COLGALT2: variants seen among roughly 807,000 people sequenced by gnomAD.
The protein encoded by COLGALT2 is collagen beta(1-O)galactosyltransferase 2, also known as procollagen galactosyltransferase 2.
COLGALT2 carries 49 observed loss-of-function variants against 73.4 expected under a neutral mutation model. The ratio of observed to expected loss-of-function variants is 0.67; its 90% CI spans 0.53 to 0.85. The LOEUF (loss-of-function observed/expected upper bound fraction) is 0.85, where lower values mean the gene tolerates loss of function less well. COLGALT2 is among the 40% of genes least tolerant of loss of function. COLGALT2 has a pLI of 0.00. For synonymous variants in COLGALT2, 295 were observed against 307.6 expected (o/e 0.96, Z 0.43); for missense variants, 722 against 790.2 (o/e 0.91, Z 1.03).
chr1:184,015,585 T>C (rs1648972110), intron 1 of COLGALT2, among the ~76,000 whole-genome samples: 1 of 152,242 alleles, frequency 6.6e-6, no homozygotes, highest in African/African-American at 2.4e-5. Flanking sequence ...TGGTGAAATG[T>C]AGACTGTTGT....
At chr1:183,929,671 G>T (rs1396160369), downstream of COLGALT2, among the ~76,000 whole-genome samples, 1 of 152,196 alleles carries the variant, frequency 6.6e-6, no homozygotes, top group Non-Finnish European at 1.5e-5. Context: ...TGATTTCAGG[G>T]GGACTGAGGA....
chr1:184,020,099 TGTTA>T (rs1372116823), intron 1 of COLGALT2, among the ~76,000 whole-genome samples: 1 of 152,228 alleles, frequency 6.6e-6, no homozygotes, highest in Non-Finnish European at 1.5e-5. Context: ...TGTCTAATTT[TGTTA>T]TTTTCAAATA....
At chr1:183,993,271 T>C (rs1572662868) in intron 1 of COLGALT2, among the ~76,000 whole-genome samples, 1 of 152,182 alleles carries the variant, frequency 6.6e-6, no homozygotes, top group African/African-American at 2.4e-5. Flanking sequence ...TGCTGAAGGC[T>C]CCAGGGGAGC....
At chr1:184,032,152 C>T (rs141284341) in intron 1 of COLGALT2, among the ~76,000 whole-genome samples, 65 of 152,166 alleles carry the variant, frequency 4.3e-4, no homozygotes, top group South Asian at 4.1e-3. Context: ...CCTCGGCCCC[C>T]CAAAGTGCTA....
rs762081322 is a variant in COLGALT2 at position 183,940,807 on chromosome 1, G to C, written c.1398-20C>G. ...ATATAACTGTAAGGAAATGGCAGAG[G>C]AGAAAAATTCCACCTTGACTATTAT... On this transcript the variant is annotated intron_variant, in intron 10 of 11. Transcript: ENST00000361927. 3 of 1,604,186 alleles carry C rather than the reference G, an allele frequency of 1.9e-6. No homozygotes were observed. In the South Asian group the frequency reaches 3.3e-5, roughly 18 times the overall value.
Position 183,950,935 on chromosome 1 carries a change from A to G in COLGALT2, c.1136+72T>C, listed in dbSNP as rs142057483. 4 of 1,128,528 alleles carry G rather than the reference A, an allele frequency of 3.5e-6. No homozygotes were observed. The East Asian group carries it at 9.5e-5, about 27-fold the overall frequency. The allele number at this position is 1,128,528 out of a possible 1,614,324, so 69.9% of individuals were successfully genotyped here. ...GAAGAGACTTAGAGCCCCACCTGGG[A>G]CTAACTCTCTGTCAGAGAAGACACA... is the stretch of plus-strand genomic sequence containing the variant. On this transcript the variant is annotated intron_variant, in intron 8 of 11. Coordinates refer to ENST00000361927, the MANE Select transcript of COLGALT2 (RefSeq NM_015101.4).
chr1:183,937,051 A>G lies in COLGALT2; in HGVS notation c.*1710T>C, dbSNP rs1035940961. On this transcript the variant is annotated 3_prime_UTR_variant, in exon 12 of 12. Transcript: ENST00000361927. ...GCTGTTCAACCTTAATGTGGCAATC[A>G]GTATCACATGGGCAGTGAACTGAAG... 2.8e-5 allele frequency: 35 copies of G among 1,231,706 alleles called. No homozygotes were observed. The highest frequency in any genetic ancestry group is 4.2e-5 in the Admixed American group (1 of 23,720). The allele number at this position is 1,231,706 out of a possible 1,614,324, so 76.3% of individuals were successfully genotyped here.
intron 6 of COLGALT2, among the ~76,000 whole-genome samples, chr1:183,962,681 T>C (rs141673202): frequency 2.0e-3 from 300 of 152,302 alleles, no homozygotes; most frequent in South Asian, 5.2e-3. Flanking sequence ...GCTCAGGTCC[T>C]CACCACCTTT....
At chr1:184,010,505 C>T (rs142498999) in intron 1 of COLGALT2, among the ~76,000 whole-genome samples, 1 of 152,322 alleles carries the variant, frequency 6.6e-6, no homozygotes, top group African/African-American at 2.4e-5. Flanking sequence ...AACTGAACTC[C>T]AAAGACATCA....
chr1:183,994,026 CTTTTTTTTTTTTTTTTTT>C (rs869129633), intron 1 of COLGALT2, among the ~76,000 whole-genome samples: 1 of 70,028 alleles, frequency 1.4e-5, no homozygotes, highest in African/African-American at 5.8e-5. Flanking sequence ...TCTTGTAATT[CTTTTTTTTTTTTTTTTTT>C]TTTTTTTTTT....
rs545168682 is a variant in COLGALT2, at chr1:183,998,458, T to C, written c.264-19938A>G. Among the ~76,000 whole-genome samples, 8 of 152,304 alleles carry C rather than the reference T, an allele frequency of 5.3e-5. No individual in the cohort carries two copies. The South Asian group carries it at 1.2e-3, about 24-fold the overall frequency. On this transcript the variant is annotated intron_variant, in intron 1 of 11. Transcript: ENST00000361927. Reference sequence around the variant, plus strand: ...ATTCCTCTGTTGGTTGCAAAAATGATTTCCCACTTTATGGGTTGTTTGTCC... The same window carrying C: ...ATTCCTCTGTTGGTTGCAAAAATGACTTCCCACTTTATGGGTTGTTTGTCC...
chr1:183,967,629 T>C (rs1402647324), intron 5 of COLGALT2, among the ~76,000 whole-genome samples: 5 of 152,250 alleles, frequency 3.3e-5, no homozygotes, highest in African/African-American at 9.6e-5. Context: ...TAATGCTTTG[T>C]GCAGTGACTA....
intron 3 of COLGALT2, 33 bp downstream of exon 3, chr1:183,975,064 A>G (rs755021467): frequency 6.9e-7 from 1 of 1,450,392 alleles, no homozygotes; most frequent in Non-Finnish European, 9.7e-7. Context: ...ACCTGAGATG[A>G]CAGTTGTCAA....
intron 2 of COLGALT2, among the ~76,000 whole-genome samples, chr1:183,976,904 A>T (rs961365800): frequency 2.6e-5 from 4 of 152,228 alleles, no homozygotes; most frequent in African/African-American, 9.6e-5. Flanking sequence ...GATAAGAATT[A>T]GTTATAAAGA....
At chr1:184,014,328 C>G (rs1006396101) in intron 1 of COLGALT2, among the ~76,000 whole-genome samples, 2 of 152,090 alleles carry the variant, frequency 1.3e-5, no homozygotes, top group Non-Finnish European at 2.9e-5. Context: ...AGCGAAGGCA[C>G]TGTTATAAAA....
intron 1 of COLGALT2, among the ~76,000 whole-genome samples, chr1:184,003,825 T>A (rs578035421): frequency 2.0e-5 from 3 of 152,320 alleles, no homozygotes; most frequent in Non-Finnish European, 2.9e-5. Context: ...GAAACTATGA[T>A]GCCAGAGACA....
intron 1 of COLGALT2, among the ~76,000 whole-genome samples, chr1:184,017,382 A>G (rs1371883936): frequency 2.0e-5 from 3 of 152,184 alleles, no homozygotes. Flanking sequence ...TTTTCCCGAG[A>G]CAAGTTTCAA....
intron 6 of COLGALT2, among the ~76,000 whole-genome samples, chr1:183,955,711 A>G (rs1371858598): frequency 6.6e-6 from 1 of 150,806 alleles, no homozygotes; most frequent in African/African-American, 2.5e-5. Flanking sequence ...TTAGTATTAT[A>G]CAAATTCAAA....
In COLGALT2 at chr1:183,963,917, C is replaced by T. The variant is rs1422640140; in HGVS notation, c.936G>A (p.Val312=). The T allele has an allele frequency of 3.7e-6, 6 of 1,609,722 alleles. No individual in the cohort carries two copies. In the African/African-American group the frequency reaches 5.4e-5, roughly 14 times the overall value. The change falls in exon 6 of 12, where the codon GTG becomes GTA. Residue 312 remains valine, a synonymous_variant. Transcript: ENST00000361927. ...LQEDIENLIH[V]QIEAMIDRPP... Reference sequence around the variant, plus strand: ...GTCACTCACTCATTGCTTCAATCTGCACATGGATGAGGTTCTCGATGTCTT... The same window carrying T: ...GTCACTCACTCATTGCTTCAATCTGTACATGGATGAGGTTCTCGATGTCTT...
Sources: allele counts gnomAD v4.1 joint callset (sites outside exome capture counted in the v4.1 genomes callset), GRCh38; gene constraint gnomAD v4.1.1; transcripts MANE v1.5; gene names NCBI Gene and HGNC (gene_info 2026-07-23, HGNC 2026-07-21).